The following RDH13 variants were observed in gnomAD, a reference collection of about 807,000 sequenced individuals.
RDH13 encodes retinol dehydrogenase 13.
RDH13 carries 35 observed loss-of-function variants against 28.3 expected under a neutral mutation model. The observed-to-expected ratio is 1.24, with a 90% confidence interval of 0.95 to 1.64. The LOEUF (loss-of-function observed/expected upper bound fraction) is 1.64, where lower values mean the gene tolerates loss of function less well. RDH13 is among the 40% of genes most tolerant of loss of function. The probability of loss-of-function intolerance (pLI) is 0.00; values close to 1 mark genes in which losing one functional copy is unlikely to be tolerated. For missense variants in RDH13, 514 were observed against 446.3 expected (o/e 1.15, Z -1.37); for synonymous variants, 229 against 198.5 (o/e 1.15, Z -1.29).
Position 55,056,672 on chromosome 19 carries a change from A to C in RDH13, c.321T>G (p.Phe107Leu). ...DLASLKSIRE[F>L]AAKIIEEEER... ...TCCTACCTTCAATGATCTTTGCTGC[A>C]AACTCTCGGATAGACTTGAGGGAAG... Residue 107 changes from phenylalanine to leucine, a missense_variant, in exon 3 of 7, where the codon TTT becomes TTG. Transcript: ENST00000415061. 1.2e-6 allele frequency: 2 copies of C among 1,613,970 alleles called. No homozygotes were observed. The highest frequency in any genetic ancestry group is 1.7e-6 in the Non-Finnish European group (2 of 1,179,986).
At chr19:55,057,003 T>C (rs959078330) in intron 2 of RDH13, among the ~76,000 whole-genome samples, 195 bp from the exon 3 acceptor site, 1 of 152,022 alleles carries the variant, frequency 6.6e-6, no homozygotes, top group Non-Finnish European at 1.5e-5. Context: ...GGTCCATCCA[T>C]AGAGATGGAA....
At position 55,044,782 on chromosome 19, in the gene RDH13, G is replaced by A. The variant is rs983305484; in HGVS notation, c.*292C>T. 1.4e-5 allele frequency: 6 copies of A among 436,012 alleles called. No homozygotes were observed. The East Asian group carries it at 1.8e-4, about 13-fold the overall frequency. The allele number at this position is 436,012 out of a possible 1,614,324, so 27.0% of individuals were successfully genotyped here. A position where few individuals can be genotyped will look rare whatever the true frequency, so the allele number is the denominator to read the frequency against. ...GGCTCTCCTGACGTGGCCTGCAAGT[G>A]CACGGAGCCCCTTCCTCCTCGGCCA... On this transcript the variant is annotated 3_prime_UTR_variant, in exon 7 of 7. Coordinates refer to ENST00000415061, the MANE Select transcript of RDH13 (RefSeq NM_001145971.2).
intron 3 of RDH13, among the ~76,000 whole-genome samples, chr19:55,051,421 GTTT>G (rs58069132): frequency 1.3e-5 from 2 of 149,864 alleles, no homozygotes; most frequent in African/African-American, 2.4e-5. Flanking sequence ...TTTTGTTTTG[GTTT>G]TTTTTCTTTT....
intron 1 of RDH13, among the ~76,000 whole-genome samples, chr19:55,060,766 G>A (rs1390887555): frequency 1.3e-5 from 2 of 152,138 alleles, no homozygotes; most frequent in South Asian, 2.1e-4. Context: ...CCTGGAAGGC[G>A]GAGGTTGCAG....
intron 3 of RDH13, among the ~76,000 whole-genome samples, chr19:55,056,239 G>C (rs1223466482): frequency 6.6e-6 from 1 of 151,478 alleles, no homozygotes; most frequent in Non-Finnish European, 1.5e-5. Flanking sequence ...TGAGGCAGGA[G>C]AATCACCTGA....
chr19:55,049,297 C>T (rs1362041986), intron 3 of RDH13, among the ~76,000 whole-genome samples: 1 of 152,164 alleles, frequency 6.6e-6, no homozygotes, highest in Non-Finnish European at 1.5e-5. Context: ...GGGAGGTTAC[C>T]GGTGGGAGCC....
At position 55,060,891 on chromosome 19, in the gene RDH13, C is replaced by T. The variant is rs116249398; in HGVS notation, c.66-1616G>A. On this transcript the variant is annotated intron_variant, in intron 1 of 6. Coordinates refer to ENST00000415061, the MANE Select transcript of RDH13 (RefSeq NM_001145971.2). ...TTCCCAAGGCTGCTGTACGCATTAC[C>T]ACAGACTTAGTGGCTTAAAACCACA... Among the ~76,000 whole-genome samples the T allele has an allele frequency of 6.9e-3, 1,054 of 152,238 alleles. 19 individuals are homozygous for T. The highest frequency in any genetic ancestry group is 0.024 in the African/African-American group (1,000 of 41,538).
At chr19:55,046,282 A>G (rs973572679) in intron 6 of RDH13, among the ~76,000 whole-genome samples, 2 of 145,262 alleles carry the variant, frequency 1.4e-5, no homozygotes, top group African/African-American at 5.2e-5. Flanking sequence ...ATTTATTGAG[A>G]CCTGGTGTCT....
rs759308870 is a variant in RDH13 at position 55,048,372 on chromosome 19, GA to G, written c.614del (p.Leu205ProfsTer10). 1 of 1,614,084 alleles carries G rather than the reference GA, an allele frequency of 6.2e-7. No individual in the cohort carries two copies. The highest frequency in any genetic ancestry group is 8.5e-7 in the Non-Finnish European group (1 of 1,180,006). On this transcript the variant is annotated frameshift_variant, in exon 5 of 7. Transcript: ENST00000415061. LOFTEE classifies it high-confidence loss of function. ...GCTCCTTGGTGAAGAGGACGATGGC[GA>G]GCTTGCTCTGGCAGTAGGCGGCTTT... ...NTKAAYCQSK[L>X]AIVLFTKELS...
downstream of RDH13, chr19:55,040,787 T>C (rs770146240): frequency 6.6e-6 from 1 of 152,250 alleles, no homozygotes; most frequent in Non-Finnish European, 1.5e-5. Flanking sequence ...AGTGGTTTCA[T>C]GCTTATCCCT....
At chr19:55,065,971 G>C (rs976639213), upstream of RDH13, among the ~76,000 whole-genome samples, 2 of 152,200 alleles carry the variant, frequency 1.3e-5, no homozygotes, top group Admixed American at 1.3e-4. Context: ...ACCTGCCTCA[G>C]CCTCCCAAAG....
At chr19:55,065,107 T>G (rs1173364359), upstream of RDH13, among the ~76,000 whole-genome samples, 2 of 149,886 alleles carry the variant, frequency 1.3e-5, no homozygotes, top group Admixed American at 1.4e-4. Flanking sequence ...AATTTTAGAC[T>G]GGGCATGGTG....
chr19:55,045,399 G>A (rs991272404), intron 6 of RDH13, 90 bp from the exon 7 acceptor site: 6 of 1,010,230 alleles, frequency 5.9e-6, no homozygotes, highest in Middle Eastern at 2.8e-4. Flanking sequence ...CCGGGTCCCT[G>A]GAGTCCCACA....
At chr19:55,062,032 G>A (rs953882345) in intron 1 of RDH13, among the ~76,000 whole-genome samples, 2 of 151,826 alleles carry the variant, frequency 1.3e-5, no homozygotes, top group Admixed American at 6.6e-5. Context: ...CCGGACAATC[G>A]CTTGAACCCG....
At chr19:55,055,825 C>G (rs182044430) in intron 3 of RDH13, among the ~76,000 whole-genome samples, 267 of 151,502 alleles carry the variant, frequency 1.8e-3, no homozygotes, top group African/African-American at 6.0e-3. Flanking sequence ...TGCACTCTAG[C>G]CTGGGTGACA....
upstream of RDH13, among the ~76,000 whole-genome samples, chr19:55,066,437 TTCTCTCCCTCTCTCTCCC>T (rs2075959783): frequency 6.9e-6 from 1 of 145,412 alleles, no homozygotes; most frequent in Admixed American, 7.0e-5. Flanking sequence ...CCTCTCTGTC[TTCTCTCCCTCTCTCTCCC>T]TCTCTCTTCC....
At chr19:55,058,402 C>T (rs778530731) in intron 2 of RDH13, among the ~76,000 whole-genome samples, 17 of 150,430 alleles carry the variant, frequency 1.1e-4, no homozygotes, top group African/African-American at 3.4e-4. Context: ...AAAAAAAAAA[C>T]AATAATAATA....
At position 55,052,105 on chromosome 19, in the gene RDH13, C is replaced by T. The variant is rs535483858; in HGVS notation, c.341-3342G>A. Among the ~76,000 whole-genome samples the T allele has an allele frequency of 4.0e-3, 589 of 147,494 alleles. 6 individuals are homozygous for T. The highest frequency in any genetic ancestry group is 0.014 in the African/African-American group (548 of 39,864). ...TTTTTTTGGACACAGGGTCTCACCC[C>T]GAGTGCAGTGGTACAATCAAAGCTC... On this transcript the variant is annotated intron_variant, in intron 3 of 6. Transcript: ENST00000415061.
At chr19:55,053,552 G>A (rs111789566) in intron 3 of RDH13, among the ~76,000 whole-genome samples, 119 of 152,116 alleles carry the variant, frequency 7.8e-4, no homozygotes, top group African/African-American at 2.8e-3. Flanking sequence ...CGCCACTCGG[G>A]AGGCTGAGGC....
Sources: gnomAD v4.1 joint callset for allele counts (sites outside exome capture counted in the v4.1 genomes callset) on GRCh38, gnomAD v4.1.1 for gene constraint, MANE v1.5 for transcripts, NCBI Gene and HGNC (gene_info 2026-07-23, HGNC 2026-07-21) for gene names.